Variants in ASXL3 observed in about 807,000 individuals in gnomAD.
The protein encoded by ASXL3 is putative Polycomb group protein ASXL3.
ASXL3 carries 34 observed loss-of-function variants against 170.6 expected under a neutral mutation model. That is an observed-to-expected ratio of 0.20 (90% CI 0.15 to 0.27). ASXL3 has a LOEUF of 0.27. ASXL3 is among the 10% of genes least tolerant of loss of function. The probability of loss-of-function intolerance (pLI) is 1.00; values close to 1 mark genes in which losing one functional copy is unlikely to be tolerated. For synonymous variants in ASXL3, 1,002 were observed against 989.1 expected (o/e 1.01, Z -0.24); for missense variants, 2,592 against 2,695.3 (o/e 0.96, Z 0.85).
intron 8 of ASXL3, among the ~76,000 whole-genome samples, chr18:33,709,272 T>C (rs1407595538): frequency 5.3e-5 from 8 of 149,958 alleles, no homozygotes; most frequent in Admixed American, 5.3e-4. Context: ...CCTAGGTTTA[T>C]ACCTAATGGA....
intron 8 of ASXL3, among the ~76,000 whole-genome samples, chr18:33,709,774 G>A (rs1218014283): frequency 1.3e-5 from 2 of 152,160 alleles, no homozygotes; most frequent in African/African-American, 2.4e-5. Flanking sequence ...TATGTCACAT[G>A]TGCAAAAATT....
chr18:33,668,406 C>G (rs2066291321), intron 5 of ASXL3, among the ~76,000 whole-genome samples: 1 of 142,326 alleles, frequency 7.0e-6, no homozygotes, highest in African/African-American at 2.7e-5. Context: ...CCAGCCTGGG[C>G]ATCAGAGCGA....
At chr18:33,693,275 T>C (rs1599502762) in intron 8 of ASXL3, among the ~76,000 whole-genome samples, 1 of 152,286 alleles carries the variant, frequency 6.6e-6, no homozygotes, top group East Asian at 1.9e-4. Context: ...AGGGTAGACT[T>C]AAACATACTT....
intron 3 of ASXL3, among the ~76,000 whole-genome samples, chr18:33,645,692 A>G (rs2065905304): frequency 6.6e-6 from 1 of 152,012 alleles, no homozygotes; most frequent in Admixed American, 6.6e-5. Flanking sequence ...CTTAGAAATT[A>G]AAAAGAAGTC....
intron 8 of ASXL3, among the ~76,000 whole-genome samples, chr18:33,712,550 T>C (rs1460229148): frequency 1.3e-5 from 2 of 151,926 alleles, no homozygotes; most frequent in African/African-American, 4.9e-5. Flanking sequence ...GTTCTTGTGA[T>C]TGTTCTGAAA....
chr18:33,614,849 C>A (rs191544704), intron 2 of ASXL3: 4 of 151,408 alleles, frequency 2.6e-5, no homozygotes, highest in Admixed American at 2.6e-4. Flanking sequence ...CTGAGCAGTA[C>A]GTCTTAACAG....
intron 8 of ASXL3, among the ~76,000 whole-genome samples, chr18:33,713,966 T>C (rs528533024): frequency 3.3e-5 from 5 of 152,254 alleles, no homozygotes; most frequent in African/African-American, 1.2e-4. Flanking sequence ...GTCATCATAG[T>C]GGGTGTTTGA....
intron 2 of ASXL3, among the ~76,000 whole-genome samples, chr18:33,623,407 C>A (rs1341559275): frequency 6.6e-6 from 1 of 152,108 alleles, no homozygotes; most frequent in African/African-American, 2.4e-5. Flanking sequence ...TCTGTTTCTT[C>A]TTTGAACATA....
intron 8 of ASXL3, among the ~76,000 whole-genome samples, chr18:33,720,365 T>G (rs2067238661): frequency 6.6e-6 from 1 of 152,066 alleles, no homozygotes; most frequent in African/African-American, 2.4e-5. Context: ...GATTCATTGA[T>G]TCCCACTACA....
At chr18:33,593,137 T>C (rs751581081) in intron 1 of ASXL3, among the ~76,000 whole-genome samples, 1 of 152,094 alleles carries the variant, frequency 6.6e-6, no homozygotes, top group Non-Finnish European at 1.5e-5. Context: ...TTGAGACAAA[T>C]TGTGTTTCAT....
chr18:33,664,903 A>G (rs1369867312), intron 5 of ASXL3, among the ~76,000 whole-genome samples: 2 of 152,138 alleles, frequency 1.3e-5, no homozygotes, highest in Non-Finnish European at 2.9e-5. Context: ...AGTTAACATC[A>G]TATGTTGGGC....
At chr18:33,720,633 G>A (rs1461256426) in intron 8 of ASXL3, among the ~76,000 whole-genome samples, 1 of 152,050 alleles carries the variant, frequency 6.6e-6, no homozygotes, top group Non-Finnish European at 1.5e-5. Context: ...CCAAGATGTG[G>A]CCAAAGGTCC....
chr18:33,746,687 A>T lies in ASXL3; in HGVS notation c.*92A>T. The T allele has an allele frequency of 1.4e-6, 2 of 1,472,802 alleles. No individual in the cohort carries two copies. Among genetic ancestry groups the T allele is most frequent in the Non-Finnish European group, 1.8e-6 (2 of 1,118,508 alleles). The allele number at this position is 1,472,802 out of a possible 1,614,324, so 91.2% of individuals were successfully genotyped here. A position where few individuals can be genotyped will look rare whatever the true frequency, so the allele number is the denominator to read the frequency against. ...ATAGAATAATGCAGTGGTTTCTATC[A>T]TGCTAATTTATTTTGCTTTGGAGCA... On this transcript the variant is annotated 3_prime_UTR_variant, in exon 12 of 12. Transcript: ENST00000269197.
chr18:33,597,811 A>AC (rs2065143538), intron 1 of ASXL3, among the ~76,000 whole-genome samples: 7 of 149,212 alleles, frequency 4.7e-5, no homozygotes, highest in African/African-American at 1.7e-4. Flanking sequence ...AAAAAACAAA[A>AC]AAAACAAAAA....
chr18:33,692,943 T>G (rs2066709484), intron 8 of ASXL3, among the ~76,000 whole-genome samples: 1 of 152,146 alleles, frequency 6.6e-6, no homozygotes, highest in Non-Finnish European at 1.5e-5. Flanking sequence ...GGCTTGAAGT[T>G]TAAGATAAAG....
chr18:33,700,109 G>C (rs895539212), intron 8 of ASXL3, among the ~76,000 whole-genome samples: 3 of 152,068 alleles, frequency 2.0e-5, no homozygotes, highest in Non-Finnish European at 4.4e-5. Context: ...GGGGTAACTG[G>C]AACAGCATGT....
At chr18:33,658,191 A>G (rs2066113057) in intron 4 of ASXL3, among the ~76,000 whole-genome samples, 2 of 152,118 alleles carry the variant, frequency 1.3e-5, no homozygotes, top group South Asian at 2.1e-4. Context: ...TTTCTTTAAC[A>G]TTAATTTTCC....
At chr18:33,688,271 T>C (rs56145164) in intron 8 of ASXL3, among the ~76,000 whole-genome samples, 1 of 152,224 alleles carries the variant, frequency 6.6e-6, no homozygotes, top group Non-Finnish European at 1.5e-5. Flanking sequence ...AGGTCAGAGA[T>C]ACTGTAAAAA....
At position 33,597,215 on chromosome 18, in the gene ASXL3, A is replaced by G. The variant is rs189605773; in HGVS notation, c.55-10379A>G. The stretch of plus-strand genomic sequence containing the variant: ...AATATGTAGAGTCTCCAGGATTACA[A>G]TTATTAACGCTAATATTTTTATATG... On this transcript the variant is annotated intron_variant, in intron 1 of 11. Coordinates refer to ENST00000269197, the MANE Select transcript of ASXL3 (RefSeq NM_030632.3). 5.3e-5 allele frequency among the ~76,000 whole-genome samples: 8 copies of G among 152,226 alleles called. No individual in the cohort carries two copies. The East Asian group carries it at 1.2e-3, about 22-fold the overall frequency.
Sources: gnomAD v4.1 joint callset for allele counts (sites outside exome capture counted in the v4.1 genomes callset) on GRCh38, gnomAD v4.1.1 for gene constraint, MANE v1.5 for transcripts, NCBI Gene and HGNC (gene_info 2026-07-23, HGNC 2026-07-21) for gene names.